The following GRID2 variants were observed in gnomAD, a reference collection of about 807,000 sequenced individuals.
GRID2 encodes glutamate ionotropic receptor delta type subunit 2.
A neutral mutation model predicts 114.8 loss-of-function variants in GRID2; 33 were observed. The observed-to-expected ratio is 0.29, with a 90% CI of 0.22 to 0.38. The LOEUF is 0.38. GRID2 is among the 10% of genes least tolerant of loss of function. The pLI, the probability that GRID2 is intolerant of heterozygous loss-of-function variation, is 1.00. For missense variants in GRID2, 1,184 were observed against 1,257.7 expected (o/e 0.94, Z 0.89); for synonymous variants, 505 against 449.9 (o/e 1.12, Z -1.55).
At chr4:92,817,420 T>A (rs1223051023) in intron 2 of GRID2, among the ~76,000 whole-genome samples, 2 of 152,126 alleles carry the variant, frequency 1.3e-5, no homozygotes, top group East Asian at 3.9e-4. Context: ...TTATCCTAGA[T>A]GACATTACTT....
intron 8 of GRID2, among the ~76,000 whole-genome samples, chr4:93,343,385 T>C (rs1759860774): frequency 6.6e-6 from 1 of 152,070 alleles, no homozygotes; most frequent in African/African-American, 2.4e-5. Context: ...TGTAAGAAAT[T>C]TCAAGTTCTC....
intron 14 of GRID2, among the ~76,000 whole-genome samples, chr4:93,638,452 AC>A (rs1483219771): frequency 1.1e-4 from 3 of 26,976 alleles, no homozygotes; most frequent in African/African-American, 9.7e-4. Flanking sequence ...ATGCTATCCC[AC>A]CCCCCTCCCC....
chr4:93,750,010 T>C (rs970732385), intron 14 of GRID2, among the ~76,000 whole-genome samples: 1 of 152,234 alleles, frequency 6.6e-6, no homozygotes, highest in Non-Finnish European at 1.5e-5. Context: ...TTAACTATCA[T>C]GACTACTACT....
At chr4:92,980,485 GAATTAT>G (rs1754124571) in intron 2 of GRID2, among the ~76,000 whole-genome samples, 1 of 151,896 alleles carries the variant, frequency 6.6e-6, no homozygotes, top group African/African-American at 2.4e-5. Context: ...TATTGGAATT[GAATTAT>G]ATTAAAAGAA....
chr4:92,788,197 A>G (rs1206248427), intron 2 of GRID2, among the ~76,000 whole-genome samples: 1 of 151,664 alleles, frequency 6.6e-6, no homozygotes, highest in Non-Finnish European at 1.5e-5. Context: ...GGGAAATAGG[A>G]AGATGTAGCA....
intron 2 of GRID2, among the ~76,000 whole-genome samples, chr4:92,892,831 G>T (rs1458858394): frequency 6.6e-6 from 1 of 152,114 alleles, no homozygotes; most frequent in Non-Finnish European, 1.5e-5. Context: ...GATTATTACA[G>T]ATTTGTAAAG....
rs1309437214 is a variant in GRID2 at position 93,224,813 on chromosome 4, A to G, written c.1125+38A>G. 17 of 1,420,834 alleles carry G rather than the reference A, an allele frequency of 1.2e-5. No individual in the cohort carries two copies. In the South Asian group the frequency reaches 2.1e-4, roughly 17 times the overall value. 88.0% of individuals were successfully genotyped at this position (1,420,834 alleles called of 1,614,324 possible). ...TTTTCATGTAAAAAGGATATGGTAA[A>G]TAATTATTTGACATATTTTAGAAAA... On this transcript the variant is annotated intron_variant, in intron 7 of 15. Transcript: ENST00000282020.
At chr4:93,312,520 G>A (rs188311502) in intron 8 of GRID2, among the ~76,000 whole-genome samples, 150 of 152,302 alleles carry the variant, frequency 9.8e-4, no homozygotes, top group Admixed American at 2.2e-3. Context: ...AACATCAATT[G>A]TTTGATTAAT....
At chr4:92,396,078 CTG>C (rs754254542) in intron 1 of GRID2, among the ~76,000 whole-genome samples, 2 of 151,748 alleles carry the variant, frequency 1.3e-5, no homozygotes, top group Non-Finnish European at 3.0e-5. Context: ...TAAAGCCAAA[CTG>C]ATTTAAAATA....
In GRID2 at chr4:93,408,048, A is replaced by G. The variant is rs564352884; in HGVS notation, c.1347+12340A>G. Among the ~76,000 whole-genome samples, 4 of 152,294 alleles carry G rather than the reference A, an allele frequency of 2.6e-5. No homozygotes were observed. The South Asian group carries it at 8.3e-4, about 32-fold the overall frequency. ...TGAGCCAAATGTAATCTCCAAGACCATGGTCAGTAAAGTACTCAAGAAAAA... is the reference window on the plus strand; with the variant it reads ...TGAGCCAAATGTAATCTCCAAGACCGTGGTCAGTAAAGTACTCAAGAAAAA... On this transcript the variant is annotated intron_variant, in intron 9 of 15. Coordinates refer to ENST00000282020, the MANE Select transcript of GRID2 (RefSeq NM_001510.4).
At chr4:93,510,993 G>A (rs954560535) in intron 12 of GRID2, among the ~76,000 whole-genome samples, 1 of 152,106 alleles carries the variant, frequency 6.6e-6, no homozygotes, top group Non-Finnish European at 1.5e-5. Flanking sequence ...CTGGAGTGCG[G>A]TGGCACAGTC....
At chr4:92,395,729 T>C (rs1197638792) in intron 1 of GRID2, among the ~76,000 whole-genome samples, 1 of 151,832 alleles carries the variant, frequency 6.6e-6, no homozygotes, top group Non-Finnish European at 1.5e-5. Flanking sequence ...TGTATACATA[T>C]GTGTCATATT....
At chr4:92,399,967 T>C (rs1730708384) in intron 1 of GRID2, among the ~76,000 whole-genome samples, 1 of 152,144 alleles carries the variant, frequency 6.6e-6, no homozygotes, top group African/African-American at 2.4e-5. Flanking sequence ...GAAAAGATTT[T>C]AAAGATAAGT....
chr4:92,966,451 C>A (rs998158556), intron 2 of GRID2, among the ~76,000 whole-genome samples: 1 of 151,916 alleles, frequency 6.6e-6, no homozygotes, highest in Admixed American at 6.6e-5. Flanking sequence ...TATCTCACAT[C>A]CAGATTTCAG....
intron 1 of GRID2, among the ~76,000 whole-genome samples, chr4:92,314,380 C>A (rs989939587): frequency 6.6e-6 from 1 of 152,042 alleles, no homozygotes; most frequent in Non-Finnish European, 1.5e-5. Context: ...GCATAAAATT[C>A]TTGTTATAAT....
chr4:93,295,066 G>A (rs563704984), intron 8 of GRID2, among the ~76,000 whole-genome samples: 2 of 152,254 alleles, frequency 1.3e-5, no homozygotes, highest in Admixed American at 6.5e-5. Flanking sequence ...TCCAGATTTA[G>A]ACAGAAATCT....
intron 2 of GRID2, among the ~76,000 whole-genome samples, chr4:92,872,466 A>G (rs576514704): frequency 3.9e-5 from 6 of 152,312 alleles, no homozygotes; most frequent in Admixed American, 1.3e-4. Flanking sequence ...AAATGTTTTT[A>G]TTCTACCTAA....
At chr4:92,870,828 GGTGT>G (rs1166433894) in intron 2 of GRID2, among the ~76,000 whole-genome samples, 1 of 152,126 alleles carries the variant, frequency 6.6e-6, no homozygotes. Flanking sequence ...ATATGGCAAA[GGTGT>G]GTGTGTGTAA....
intron 14 of GRID2, among the ~76,000 whole-genome samples, chr4:93,721,033 A>G (rs1729321089): frequency 6.6e-6 from 1 of 152,168 alleles, no homozygotes; most frequent in Non-Finnish European, 1.5e-5. Flanking sequence ...ATTAATCCCC[A>G]TTTTTAAAAA....
Sources: gnomAD v4.1 joint callset for allele counts (sites outside exome capture counted in the v4.1 genomes callset) on GRCh38, gnomAD v4.1.1 for gene constraint, MANE v1.5 for transcripts, NCBI Gene and HGNC (gene_info 2026-07-23, HGNC 2026-07-21) for gene names.